PRRC2A: variants seen among roughly 807,000 people sequenced by gnomAD.
The protein encoded by PRRC2A is protein PRRC2A.
In PRRC2A, 59 loss-of-function variants were observed where a neutral mutation model predicts 224.6. The observed-to-expected ratio is 0.26, with a 90% CI of 0.21 to 0.33. The LOEUF (loss-of-function observed/expected upper bound fraction) is 0.33. Among genes scored for constraint, PRRC2A ranks in the 10% least tolerant of loss-of-function variants. The pLI is 1.00. For missense variants in PRRC2A, 3,095 were observed against 2,880.7 expected (o/e 1.07, Z -1.70); for synonymous variants, 1,194 against 1,109.5 (o/e 1.08, Z -1.51).
rs533145620 is a variant in PRRC2A, at chr6:31,633,224, G to C, written c.4320-155G>C. On this transcript the variant is annotated intron_variant, in intron 16 of 30. Coordinates refer to ENST00000376033, the MANE Select transcript of PRRC2A (RefSeq NM_004638.4). ...TTGCTGGTTCTTTGCTTTCCAGTCTGTGCATCTGTATGCATAGGAATCCTT... is the reference window on the plus strand; with the variant it reads ...TTGCTGGTTCTTTGCTTTCCAGTCTCTGCATCTGTATGCATAGGAATCCTT... Among the ~76,000 whole-genome samples the C allele has an allele frequency of 4.6e-5, 7 of 152,308 alleles. No individual in the cohort carries two copies. The South Asian group carries it at 1.4e-3, about 32-fold the overall frequency.
Position 31,625,159 on chromosome 6 carries a change from C to G in PRRC2A, c.464-12C>G, listed in dbSNP as rs759346741. ...GTCTTCTGTCTCCTGTTCTGCATCC[C>G]CATCCTAATAGGTGGAAGGGCATCA... On this transcript the variant is annotated splice_polypyrimidine_tract_variant and intron_variant, in intron 5 of 30. Coordinates refer to ENST00000376033, the MANE Select transcript of PRRC2A (RefSeq NM_004638.4). The surrounding 1 kb of genome is among the most constrained non-coding windows in gnomAD (Gnocchi z 4.1). 4 of 1,608,702 alleles carry G rather than the reference C, an allele frequency of 2.5e-6. No homozygotes were observed. The South Asian group carries it at 3.3e-5, about 13-fold the overall frequency.
chr6:31,636,663 CTT>C lies in PRRC2A; in HGVS notation c.5934+57_5934+58del, dbSNP rs1288349685. The C allele has an allele frequency of 6.3e-7, 1 of 1,592,500 alleles. No homozygotes were observed. The highest frequency in any genetic ancestry group is 2.2e-5 in the East Asian group (1 of 44,630). On this transcript the variant is annotated intron_variant, in intron 27 of 30. Coordinates refer to ENST00000376033, the MANE Select transcript of PRRC2A (RefSeq NM_004638.4). This position sits in a 1 kb window ranked among gnomAD's most constrained non-coding sequence, Gnocchi z 4.3. ...TTTGATTTCTCTGTCCAGTTGCTGG[CTT>C]TGATTTTCCCTGGTTTTCTGACATT...
chr6:31,637,420 C>CT (rs1777591122), intron 30 of PRRC2A, 26 bp from the exon 31 acceptor site: 1 of 1,600,480 alleles, frequency 6.2e-7, no homozygotes, highest in East Asian at 2.2e-5. Flanking sequence ...CTGTGACTCA[C>CT]TGTTTAACAC....
At position 31,632,626 on chromosome 6, in the gene PRRC2A, A is replaced by G. The variant is rs1458272312; in HGVS notation, c.3953A>G (p.Asn1318Ser). The G allele has an allele frequency of 3.7e-6, 6 of 1,612,966 alleles. No individual in the cohort carries two copies. The highest frequency in any genetic ancestry group is 1.3e-5 in the African/African-American group (1 of 74,930). The change falls in exon 16 of 31, where the codon AAT becomes AGT. Residue 1318 changes from asparagine (N) to serine (S), a missense_variant. Asn to Ser is a conservative substitution (Grantham distance 46). Transcript: ENST00000376033. ...TCAAACCAGAACTCAGACCAAGCCA[A>G]TGAGGAATGGGAGACTGCATCAGAG... ...DLSNQNSDQA[N>S]EEWETASESS...
chr6:31,625,939 C>G lies in PRRC2A; in HGVS notation c.839+68C>G, dbSNP rs1233922410. 7 of 1,589,020 alleles carry G rather than the reference C, an allele frequency of 4.4e-6. 1 individual carries two copies. In the South Asian group the frequency reaches 7.8e-5, roughly 18 times the overall value. On this transcript the variant is annotated intron_variant, in intron 8 of 30. Coordinates refer to ENST00000376033, the MANE Select transcript of PRRC2A (RefSeq NM_004638.4). The surrounding 1 kb of genome is among the most constrained non-coding windows in gnomAD (Gnocchi z 4.1). ...GCTTATTGGGGGAGGAGATGGTTTTCTAGCCAGGAGGCTCAGTCTAGGATC... is the reference window on the plus strand; with the variant it reads ...GCTTATTGGGGGAGGAGATGGTTTTGTAGCCAGGAGGCTCAGTCTAGGATC...
intron 14 of PRRC2A, 150 bp downstream of exon 14, chr6:31,629,995 T>C: frequency 7.5e-7 from 1 of 1,338,504 alleles, no homozygotes; most frequent in Admixed American, 2.5e-5. Context: ...GAGATAGCTC[T>C]GTTGCAAAAA....
intron 2 of PRRC2A, 84 bp downstream of exon 2, chr6:31,622,985 G>A: frequency 1.7e-6 from 2 of 1,161,308 alleles, no homozygotes; most frequent in African/African-American, 1.5e-5. Flanking sequence ...AAAGGGAAGT[G>A]GCTGTAGTAG....
intron 13 of PRRC2A, 94 bp downstream of exon 13, chr6:31,629,428 T>C (rs191534163): frequency 1.3e-6 from 2 of 1,489,090 alleles, no homozygotes. Context: ...TCCCTTTGCT[T>C]CTTTGTCCAG....
At chr6:31,623,655 A>T in intron 2 of PRRC2A, 77 bp from the exon 3 acceptor site, 1 of 1,478,604 alleles carries the variant, frequency 6.8e-7, no homozygotes, top group South Asian at 1.2e-5. Flanking sequence ...CAACATGTAT[A>T]AATGTGTCCC....
intron 1 of PRRC2A, among the ~76,000 whole-genome samples, 152 bp downstream of exon 1, chr6:31,621,010 T>G (rs1775208060): frequency 6.6e-6 from 1 of 152,178 alleles, no homozygotes; most frequent in African/African-American, 2.4e-5. Flanking sequence ...CCGGGCCTGC[T>G]TGCCCCTCCC....
chr6:31,635,142 G>C lies in PRRC2A; in HGVS notation c.5171G>C (p.Arg1724Pro). The C allele has an allele frequency of 1.2e-6, 2 of 1,613,980 alleles. No individual in the cohort carries two copies. The highest frequency in any genetic ancestry group is 1.7e-6 in the Non-Finnish European group (2 of 1,179,934). Residue 1724 changes from arginine to proline, a missense_variant, in exon 22 of 31, where the codon CGG (arginine) becomes CCG (proline). By Grantham distance (103) the Arg-to-Pro change is moderately radical (BLOSUM62 -2). Coordinates refer to ENST00000376033, the MANE Select transcript of PRRC2A (RefSeq NM_004638.4). ...PHDGDRKELP[R>P]EQPLPPGPIG... Reference sequence around the variant, plus strand: ...GTGTGCCCAATCCAGGAGCTGCCCCGGGAGCAGCCTCTGCCCCCTGGCCCC... The same window carrying C: ...GTGTGCCCAATCCAGGAGCTGCCCCCGGAGCAGCCTCTGCCCCCTGGCCCC...
intron 10 of PRRC2A, 37 bp downstream of exon 10, chr6:31,626,899 C>T (rs1342219610): frequency 1.2e-6 from 2 of 1,612,390 alleles, no homozygotes; most frequent in Non-Finnish European, 1.7e-6. Flanking sequence ...AGGAGGGGGT[C>T]TTGGTTTGTA....
At chr6:31,629,876 G>T in intron 14 of PRRC2A, 31 bp downstream of exon 14, 1 of 1,610,416 alleles carries the variant, frequency 6.2e-7, no homozygotes, top group South Asian at 1.1e-5. Context: ...TGAGAAACAG[G>T]AAAGTCCCCT....
chr6:31,631,953 T>C lies in PRRC2A; in HGVS notation c.3280T>C (p.Tyr1094His). ...CGAGACACGGAGCGAGGGTTCAGAG[T>C]ATGAGGAAATCCCCAAGCGGCGCCG... Reference protein sequence around the residue: ...ASETRSEGSEYEEIPKRRRQR... With the variant: ...ASETRSEGSEHEEIPKRRRQR... Residue 1094 changes from tyrosine to histidine, a missense_variant, in exon 16 of 31, where the codon TAT becomes CAT. Tyr to His is a moderately conservative substitution (Grantham distance 83). This residue lies in a region of PRRC2A where 2,001 missense variants were observed against 1,764.9 expected (regional missense o/e 1.13). Transcript: ENST00000376033. The surrounding 1 kb of genome is among the most constrained non-coding windows in gnomAD (Gnocchi z 4.5). 6.2e-7 allele frequency: 1 copy of C among 1,610,992 alleles called. No individual in the cohort carries two copies. Among genetic ancestry groups the C allele is most frequent in the Non-Finnish European group, 8.5e-7 (1 of 1,179,380 alleles).
rs1561802573 is a variant in PRRC2A, at chr6:31,626,144, A to T, written c.964A>T (p.Asn322Tyr). 2 of 1,612,674 alleles carry T rather than the reference A, an allele frequency of 1.2e-6. No individual in the cohort carries two copies. The highest frequency in any genetic ancestry group is 2.2e-5 in the East Asian group (1 of 44,884). Residue 322 changes from asparagine to tyrosine, a missense_variant, in exon 9 of 31, where the codon AAT becomes TAT. Coordinates refer to ENST00000376033, the MANE Select transcript of PRRC2A (RefSeq NM_004638.4). ...AGAGTTTGATCAGTTGGATCAGGAG[A>T]ATGATGATGGTTGGGCAGGTAAGTG... ...LKEFDQLDQE[N>Y]DDGWAGAHEE...
rs763197974 is a variant in PRRC2A, at chr6:31,625,635, G to T, written c.759+24G>T. On this transcript the variant is annotated intron_variant, in intron 7 of 30. Transcript: ENST00000376033. This position sits in a 1 kb window ranked among gnomAD's most constrained non-coding sequence, Gnocchi z 4.1. ...TCGTGAGTCTTGGTGTCTTGTCTTGGAACGATTACACTGGAAGCTGGAGAG... is the reference window on the plus strand; with the variant it reads ...TCGTGAGTCTTGGTGTCTTGTCTTGTAACGATTACACTGGAAGCTGGAGAG... 1 of 1,600,540 alleles carries T rather than the reference G, an allele frequency of 6.2e-7. No homozygotes were observed. The highest frequency in any genetic ancestry group is 1.1e-5 in the South Asian group (1 of 89,022).
At chr6:31,635,878 C>T (rs1777277814) in intron 24 of PRRC2A, 89 bp from the exon 25 acceptor site, 3 of 1,452,508 alleles carry the variant, frequency 2.1e-6, no homozygotes, top group Admixed American at 4.5e-5. Flanking sequence ...TCATTTTTCT[C>T]CCTACTTTTT....
intron 1 of PRRC2A, among the ~76,000 whole-genome samples, chr6:31,622,325 A>G (rs1430044940): frequency 6.6e-6 from 1 of 152,126 alleles, no homozygotes; most frequent in Non-Finnish European, 1.5e-5. Flanking sequence ...TCTCTGATGG[A>G]ATTGTATGCT....
rs1186866982 is a variant in PRRC2A at position 31,625,754 on chromosome 6, C to T, written c.760-38C>T. On this transcript the variant is annotated intron_variant, in intron 7 of 30. Transcript: ENST00000376033. The surrounding 1 kb of genome is among the most constrained non-coding windows in gnomAD (Gnocchi z 4.1). ...CTTAAGGAGCTAGAAGGGTATATGA[C>T]TGTCCCTCTGAGCAGCTACTGTTGG... 2 of 1,555,056 alleles carry T rather than the reference C, an allele frequency of 1.3e-6. No individual in the cohort carries two copies. The highest frequency in any genetic ancestry group is 3.3e-5 in the Admixed American group (2 of 59,916).
Sources: allele counts gnomAD v4.1 joint callset (sites outside exome capture counted in the v4.1 genomes callset), GRCh38; gene constraint gnomAD v4.1.1; regional missense constraint gnomAD v4.1.1; non-coding constraint Gnocchi (gnomAD v3.1); transcripts MANE v1.5; gene names NCBI Gene and HGNC (gene_info 2026-07-23, HGNC 2026-07-21).